Variants in SATL1 observed in about 807,000 individuals in gnomAD.
The protein encoded by SATL1 is spermidine/spermine N(1)-acetyltransferase-like protein 1.
A neutral mutation model predicts 51.8 loss-of-function variants in SATL1; 47 were observed. The ratio of observed to expected loss-of-function variants is 0.91; its 90% CI spans 0.72 to 1.16. The LOEUF (loss-of-function observed/expected upper bound fraction) is 1.16, where lower values mean the gene tolerates loss of function less well. SATL1 is among the 50% of genes most tolerant of loss of function. SATL1 has a pLI of 0.00. For missense variants in SATL1, 520 were observed against 526.4 expected, an observed-to-expected ratio of 0.99 and a Z score of 0.12; for synonymous variants, 176 against 182.4, an observed-to-expected ratio of 0.97 and a Z score of 0.28.
At position 85,225,561 on chromosome X, in the gene SATL1, G is replaced by C. The variant is rs372427624; in HGVS notation, c.-434-1235C>G. 3.5e-4 allele frequency among the ~76,000 whole-genome samples: 39 copies of C among 112,022 alleles called. 6 individuals are homozygous for C. The highest frequency in any genetic ancestry group is 3.2e-3 in the Admixed American group (34 of 10,568). On this transcript the variant is annotated intron_variant, in intron 1 of 7. Transcript: ENST00000644105. ...AAAGGCAGAAAGACTGCATGGAAGA[G>C]ATACTTAAGCTAAGTCGTGAAGAAT...
intron 2 of SATL1, chrX:85,212,711 G>A (rs1927954934): frequency 9.0e-6 from 1 of 110,965 alleles, no homozygotes; most frequent in African/African-American, 3.3e-5. Context: ...AAACAGGACA[G>A]TCTTTACGTC....
intron 2 of SATL1, among the ~76,000 whole-genome samples, chrX:85,155,454 T>C (rs1335451019): frequency 8.9e-6 from 1 of 111,776 alleles, no homozygotes; most frequent in Non-Finnish European, 1.9e-5. Flanking sequence ...TACTTCCCTA[T>C]ACTTGTGAGA....
At position 85,213,509 on chromosome X, in the gene SATL1, C is replaced by T. The variant is rs145789109; in HGVS notation, c.-313+10696G>A. Reference sequence around the variant, plus strand: ...TTATAGAAAAATGGAGCTAGTTCACCAAAAATGGATAACTGGTATTTGTTA... The same window carrying T: ...TTATAGAAAAATGGAGCTAGTTCACTAAAAATGGATAACTGGTATTTGTTA... On this transcript the variant is annotated intron_variant, in intron 2 of 7. Coordinates refer to ENST00000644105, the MANE Select transcript of SATL1 (RefSeq NM_001367857.2). 6.6e-3 allele frequency among the ~76,000 whole-genome samples: 736 copies of T among 111,388 alleles called. 6 individuals are homozygous for T. The highest frequency in any genetic ancestry group is 0.034 in the Admixed American group (358 of 10,477).
At chrX:85,121,947 A>G (rs1034881549) in intron 2 of SATL1, among the ~76,000 whole-genome samples, 2 of 109,923 alleles carry the variant, frequency 1.8e-5, no homozygotes, top group African/African-American at 3.3e-5. Context: ...CAATGTATAC[A>G]TATATCAGAA....
chrX:85,103,755 A>G (rs1261297916), intron 4 of SATL1, 109 bp downstream of exon 4: 3 of 495,678 alleles, frequency 6.1e-6, no homozygotes, highest in African/African-American at 2.4e-5. Context: ...TGTCCTGCAC[A>G]TGTTAGTAAT....
intron 2 of SATL1, among the ~76,000 whole-genome samples, chrX:85,172,202 T>C (rs951743208): frequency 1.8e-5 from 2 of 111,651 alleles, no homozygotes; most frequent in African/African-American, 6.5e-5. Flanking sequence ...GATATTTACC[T>C]AAAGAGGATA....
chrX:85,162,737 T>C (rs1355746802), intron 2 of SATL1, among the ~76,000 whole-genome samples: 1 of 111,487 alleles, frequency 9.0e-6, no homozygotes, highest in Non-Finnish European at 1.9e-5. Context: ...TTGCTGAAGG[T>C]TTTTTATCAT....
chrX:85,218,929 C>A (rs1928113666), intron 2 of SATL1: 1 of 112,171 alleles, frequency 8.9e-6, no homozygotes. Context: ...TAAATCACTA[C>A]AGATTTCTGA....
Position 85,154,133 on chromosome X carries a change from A to G in SATL1, c.-312-44853T>C, listed in dbSNP as rs570541599. Among the ~76,000 whole-genome samples, 11 of 111,816 alleles carry G rather than the reference A, an allele frequency of 9.8e-5. No individual in the cohort carries two copies. In the South Asian group the frequency reaches 4.1e-3, roughly 42 times the overall value. On this transcript the variant is annotated intron_variant, in intron 2 of 7. Transcript: ENST00000644105. ...GATTTGGATAAAGTAAAAACTGGAA[A>G]GTCACTTCCCCAGACAGAAGCCAAG... is the stretch of plus-strand genomic sequence containing the variant.
chrX:85,137,472 C>T (rs1925989577), intron 2 of SATL1, among the ~76,000 whole-genome samples: 1 of 111,040 alleles, frequency 9.0e-6, no homozygotes, highest in South Asian at 3.8e-4. Flanking sequence ...CTTTTCTCCA[C>T]CTACACTGCC....
At position 85,145,170 on chromosome X, in the gene SATL1, A is replaced by AAG. The variant is rs1169060712; in HGVS notation, c.-312-35892_-312-35891dup. ...TCTAAATTAGTGCACATTGGGAATGAAGAGAGCATTATTAATAATTATTCT... is the reference window on the plus strand; with the variant it reads ...TCTAAATTAGTGCACATTGGGAATGAAGAGAGAGCATTATTAATAATTATTCT... On this transcript the variant is annotated intron_variant, in intron 2 of 7. Coordinates refer to ENST00000644105, the MANE Select transcript of SATL1 (RefSeq NM_001367857.2). 2.7e-5 allele frequency among the ~76,000 whole-genome samples: 3 copies of AAG among 112,207 alleles called. No individual in the cohort carries two copies. In the Admixed American group the frequency reaches 2.8e-4, roughly 11 times the overall value.
At chrX:85,156,683 A>G (rs1168727921) in intron 2 of SATL1, among the ~76,000 whole-genome samples, 1 of 107,120 alleles carries the variant, frequency 9.3e-6, no homozygotes, top group Non-Finnish European at 1.9e-5. Context: ...GTTTCCAGGT[A>G]GCATCAAGTT....
chrX:85,143,814 T>C lies in SATL1; in HGVS notation c.-312-34534A>G, dbSNP rs781344278. Among the ~76,000 whole-genome samples, 3 of 111,851 alleles carry C rather than the reference T, an allele frequency of 2.7e-5. No individual in the cohort carries two copies. The East Asian group carries it at 8.4e-4, about 31-fold the overall frequency. ...TTTTTACTTGTGTCAATATTAGTAA[T>C]TGTTTTAGGCTACTTATATTTAACA... On this transcript the variant is annotated intron_variant, in intron 2 of 7. Transcript: ENST00000644105.
intron 1 of SATL1, among the ~76,000 whole-genome samples, chrX:85,242,305 T>A (rs1358396849): frequency 8.9e-6 from 1 of 112,171 alleles, no homozygotes; most frequent in Non-Finnish European, 1.9e-5. Context: ...ATGTCATGTA[T>A]GAGGACACAC....
At chrX:85,181,221 T>G (rs887948402) in intron 2 of SATL1, among the ~76,000 whole-genome samples, 1 of 106,293 alleles carries the variant, frequency 9.4e-6, no homozygotes, top group Non-Finnish European at 1.9e-5. Flanking sequence ...ATATATATAT[T>G]CTTTTCCCTC....
At chrX:85,189,444 A>C (rs17325005) in intron 2 of SATL1, among the ~76,000 whole-genome samples, 14,428 of 111,708 alleles carry the variant, frequency 0.13, 713 homozygotes, top group South Asian at 0.18. Flanking sequence ...AGCATTGTAA[A>C]GTGGTGAATT....
At chrX:85,214,426 C>T (rs890795957) in intron 2 of SATL1, among the ~76,000 whole-genome samples, 2 of 111,576 alleles carry the variant, frequency 1.8e-5, no homozygotes, top group Non-Finnish European at 3.8e-5. Context: ...CCATGACACA[C>T]TAGGCCTCAC....
chrX:85,234,864 A>G (rs941049562), intron 1 of SATL1, among the ~76,000 whole-genome samples: 3 of 111,296 alleles, frequency 2.7e-5, no homozygotes, highest in Admixed American at 9.6e-5. Context: ...TTACATATCA[A>G]TAATGACACT....
intron 6 of SATL1, 135 bp from the exon 7 acceptor site, chrX:85,093,360 C>T (rs764694087): frequency 7.0e-6 from 4 of 572,821 alleles, no homozygotes; most frequent in South Asian, 3.8e-5. Context: ...AAACACAACT[C>T]GTGAATGCTT....
Sources: gnomAD v4.1 joint callset for allele counts (sites outside exome capture counted in the v4.1 genomes callset) on GRCh38, gnomAD v4.1.1 for gene constraint, MANE v1.5 for transcripts, NCBI Gene and HGNC (gene_info 2026-07-23, HGNC 2026-07-21) for gene names.